Variants in COL18A1 observed in about 807,000 individuals in gnomAD.
COL18A1 encodes collagen type XVIII alpha 1 chain, also known as collagen alpha-1(XVIII) chain.
In COL18A1, 133 loss-of-function variants were observed where a neutral mutation model predicts 168.0. That is an observed-to-expected ratio of 0.79 (90% CI 0.69 to 0.91). COL18A1 has a LOEUF of 0.91. Ranked by LOEUF, COL18A1 falls within the 40% of genes least tolerant of loss-of-function variation. The pLI, the probability that COL18A1 is intolerant of heterozygous loss-of-function variation, is 0.00. For synonymous variants in COL18A1, 949 were observed against 809.0 expected, an observed-to-expected ratio of 1.17 and a Z score of -2.94; for missense variants, 2,126 against 1,925.4, an observed-to-expected ratio of 1.10 and a Z score of -1.95.
chr21:45,422,392 G>T (rs750017535), intron 2 of COL18A1: 3 of 500,140 alleles, frequency 6.0e-6, no homozygotes, highest in African/African-American at 2.0e-5. Context: ...GGCCTCGCCT[G>T]TGGGCACTGA....
At chr21:45,460,119 G>T (rs1185067030) in intron 2 of COL18A1, among the ~76,000 whole-genome samples, 4 of 112,672 alleles carry the variant, frequency 3.6e-5, no homozygotes, top group South Asian at 2.6e-4. Context: ...TGGCTAGCAA[G>T]GAGGGAGCCT....
intron 39 of COL18A1, 129 bp downstream of exon 39, chr21:45,509,730 A>G (rs2037460889): frequency 2.8e-6 from 2 of 710,954 alleles, no homozygotes; most frequent in African/African-American, 3.5e-5. Context: ...CTGGCGGCTC[A>G]GGGCCACTCA....
intron 12 of COL18A1, 82 bp downstream of exon 12, chr21:45,480,602 GTC>G (rs1311824101): frequency 4.3e-6 from 7 of 1,613,294 alleles, no homozygotes; most frequent in Admixed American, 1.7e-5. Flanking sequence ...TTCAGCTGGG[GTC>G]CTGTGGGGGG....
rs938809056 is a variant in COL18A1 at position 45,486,849 on chromosome 21, C to T, written c.1702-12C>T. 4.6e-6 allele frequency: 7 copies of T among 1,526,894 alleles called. No homozygotes were observed. The highest frequency in any genetic ancestry group is 2.1e-5 in the Admixed American group (1 of 48,738). The allele number at this position is 1,526,894 out of a possible 1,614,324, so 94.6% of individuals were successfully genotyped here. On this transcript the variant is annotated splice_polypyrimidine_tract_variant and intron_variant, in intron 15 of 41. Transcript: ENST00000651438. ...GGGCTGGGTCCTGACACGCTCTCCT[C>T]ACCCCACGCAGGGGAGCAAGGGAGC...
At chr21:45,480,355 C>T (rs2035849488) in intron 11 of COL18A1, 112 bp from the exon 12 acceptor site, 2 of 1,596,476 alleles carry the variant, frequency 1.3e-6, no homozygotes, top group Non-Finnish European at 1.7e-6. Context: ...GCCGTGGTTT[C>T]TCAGCTCCTT....
rs757922077 is a variant in COL18A1 at position 45,494,904 on chromosome 21, C to T, written c.2422C>T (p.Pro808Ser). The change falls in exon 28 of 42, where the codon CCT becomes TCT. Residue 808 changes from proline to serine, a missense_variant. Pro to Ser is a moderately conservative substitution (Grantham distance 74, BLOSUM62 -1). Transcript: ENST00000651438. ...RPGYKGEIGF[P>S]GRPGRPGMNG... ...GGGGTACAAGGGAGAGATTGGCTTT[C>T]CTGGACGGCCGGTGAGGACCTGGGG... The T allele has an allele frequency of 2.5e-6, 4 of 1,610,668 alleles. No homozygotes were observed. Among genetic ancestry groups the T allele is most frequent in the Admixed American group, 3.3e-5 (2 of 59,854 alleles).
chr21:45,415,144 G>T (rs2033404965), intron 2 of COL18A1, among the ~76,000 whole-genome samples: 1 of 152,150 alleles, frequency 6.6e-6, no homozygotes, highest in African/African-American at 2.4e-5. Flanking sequence ...GCGTGGTGTT[G>T]GTTCACCGAA....
In COL18A1 at chr21:45,510,051, C is replaced by T. The variant is rs2037484590; in HGVS notation, c.3496-13C>T. ...CGTGGGACACAGCCCGTGACGCGCCCCTCTCCCCGCAGCTCCACCTGGTTG... is the reference window on the plus strand; with the variant it reads ...CGTGGGACACAGCCCGTGACGCGCCTCTCTCCCCGCAGCTCCACCTGGTTG... On this transcript the variant is annotated splice_polypyrimidine_tract_variant and intron_variant, in intron 39 of 41. Coordinates refer to ENST00000651438, the MANE Select transcript of COL18A1 (RefSeq NM_001379500.1). 16 of 1,549,012 alleles carry T rather than the reference C, an allele frequency of 1.0e-5. No individual in the cohort carries two copies. The highest frequency in any genetic ancestry group is 1.0e-5 in the Non-Finnish European group (12 of 1,152,874).
intron 28 of COL18A1, 21 bp from the exon 29 acceptor site, chr21:45,495,337 A>C: frequency 6.3e-7 from 1 of 1,592,188 alleles, no homozygotes; most frequent in Non-Finnish European, 8.6e-7. Context: ...AGCAGTCCCC[A>C]CCCCCTGTGC....
chr21:45,456,323 C>T (rs1311685389), intron 2 of COL18A1: 5 of 1,551,134 alleles, frequency 3.2e-6, no homozygotes, highest in Non-Finnish European at 4.4e-6. Flanking sequence ...GCCACTTCTG[C>T]ACCCCCTGGT....
At chr21:45,453,062 G>T (rs1436623680) in intron 2 of COL18A1, among the ~76,000 whole-genome samples, 2 of 152,004 alleles carry the variant, frequency 1.3e-5, no homozygotes, top group Non-Finnish European at 2.9e-5. Flanking sequence ...ATGTACATGT[G>T]TGAGCTTGTG....
chr21:45,407,364 A>T (rs969238016), intron 2 of COL18A1: 1 of 152,226 alleles, frequency 6.6e-6, no homozygotes, highest in Non-Finnish European at 1.5e-5. Context: ...TCTGTGCTAC[A>T]CTTGATCCCT....
At chr21:45,440,879 G>A (rs1172501641) in intron 2 of COL18A1, among the ~76,000 whole-genome samples, 3 of 152,212 alleles carry the variant, frequency 2.0e-5, no homozygotes, top group African/African-American at 7.2e-5. Context: ...AGCACCCTGG[G>A]TGATCTGAAC....
At chr21:45,478,025 G>A (rs192912880) in intron 8 of COL18A1, 60 bp downstream of exon 8, 35 of 962,466 alleles carry the variant, frequency 3.6e-5, no homozygotes, top group African/African-American at 1.8e-4. Flanking sequence ...TTGGGTAGGA[G>A]GGGGAGAGGC....
intron 32 of COL18A1, among the ~76,000 whole-genome samples, chr21:45,500,063 G>T (rs1042596395): frequency 6.7e-6 from 1 of 149,424 alleles, no homozygotes; most frequent in Admixed American, 6.7e-5. Flanking sequence ...CCCAGAGGCT[G>T]GTGTGGGTTT....
intron 40 of COL18A1, 65 bp downstream of exon 40, chr21:45,510,326 C>T: frequency 6.6e-7 from 1 of 1,517,374 alleles, no homozygotes; most frequent in Non-Finnish European, 9.0e-7. Flanking sequence ...GGGTGAACTC[C>T]CAGCGGGGAG....
chr21:45,418,849 C>T (rs1172825282), intron 2 of COL18A1, among the ~76,000 whole-genome samples: 1 of 152,198 alleles, frequency 6.6e-6, no homozygotes, highest in African/African-American at 2.4e-5. Flanking sequence ...GGCGTGATGG[C>T]CAATACACAC....
In COL18A1 at chr21:45,413,000, G is replaced by C. The variant is rs139754374; in HGVS notation, c.106+7527G>C. Among the ~76,000 whole-genome samples, 992 of 152,312 alleles carry C rather than the reference G, an allele frequency of 6.5e-3. 3 individuals are homozygous for C. Among genetic ancestry groups the C allele is most frequent in the African/African-American group, 0.013 (535 of 41,560 alleles). On this transcript the variant is annotated intron_variant, in intron 2 of 41. Transcript: ENST00000651438. ...CTCTCCGTGTCTTGGTCTCTAATCT[G>C]TGCCTGGGGATGGTGGAGCGTCATG...
chr21:45,462,876 T>G (rs957944425), intron 2 of COL18A1, among the ~76,000 whole-genome samples: 2 of 152,258 alleles, frequency 1.3e-5, no homozygotes, highest in Non-Finnish European at 2.9e-5. Context: ...AATTTTGCCC[T>G]TCACCAGCGT....
Sources: gnomAD v4.1 joint callset for allele counts (sites outside exome capture counted in the v4.1 genomes callset) on GRCh38, gnomAD v4.1.1 for gene constraint, MANE v1.5 for transcripts, NCBI Gene and HGNC (gene_info 2026-07-23, HGNC 2026-07-21) for gene names.